Variants in DNAH12 observed in about 807,000 individuals in gnomAD.
The protein encoded by DNAH12 is dynein axonemal heavy chain 12.
In DNAH12, 285 loss-of-function variants were observed where a neutral mutation model predicts 371.5. The observed-to-expected ratio is 0.77, with a 90% CI of 0.70 to 0.85. The LOEUF (loss-of-function observed/expected upper bound fraction) is 0.85. Among genes scored for constraint, DNAH12 ranks in the 40% least tolerant of loss-of-function variants. The pLI is 0.00. For missense variants in DNAH12, 3,611 were observed against 3,689.4 expected (o/e 0.98, Z 0.55); for synonymous variants, 1,200 against 1,213.0 (o/e 0.99, Z 0.22).
intron 4 of DNAH12, 67 bp downstream of exon 4, chr3:57,523,516 G>C: frequency 7.3e-7 from 1 of 1,378,012 alleles, no homozygotes; most frequent in Non-Finnish European, 1.0e-6. Context: ...GGTGGTCTTA[G>C]ATGAAACTAC....
intron 4 of DNAH12, 80 bp downstream of exon 4, chr3:57,523,503 G>T: frequency 1.7e-6 from 2 of 1,161,964 alleles, no homozygotes; most frequent in Non-Finnish European, 2.5e-6. Flanking sequence ...ATGGGACTTA[G>T]CAGGTGGTCT....
At chr3:57,402,560 A>G (rs1553679304) in intron 43 of DNAH12, 3 of 693,780 alleles carry the variant, frequency 4.3e-6, no homozygotes, top group Non-Finnish European at 6.4e-6. Flanking sequence ...GAATAAATAT[A>G]TAGTCAGTGG....
chr3:57,405,268 A>C, intron 41 of DNAH12, 121 bp from the exon 42 acceptor site: 1 of 791,700 alleles, frequency 1.3e-6, no homozygotes, highest in Non-Finnish European at 1.9e-6. Flanking sequence ...TAGGGTAGTA[A>C]AAAATGCACT....
chr3:57,413,457 T>C (rs2064267243), intron 39 of DNAH12, among the ~76,000 whole-genome samples: 1 of 152,120 alleles, frequency 6.6e-6, no homozygotes, highest in Non-Finnish European at 1.5e-5. Flanking sequence ...GATTGTGATA[T>C]ACCAACGCAG....
At chr3:57,386,128 A>C (rs1365927996) in intron 47 of DNAH12, among the ~76,000 whole-genome samples, 1 of 152,208 alleles carries the variant, frequency 6.6e-6, no homozygotes, top group African/African-American at 2.4e-5. Flanking sequence ...AGCTTTTACA[A>C]TAAAAAGCGA....
chr3:57,420,295 G>GCC (rs2064528184), intron 36 of DNAH12, among the ~76,000 whole-genome samples: 1 of 152,074 alleles, frequency 6.6e-6, no homozygotes, highest in Non-Finnish European at 1.5e-5. Flanking sequence ...TGCCAAAGTA[G>GCC]CCCCCTAAGA....
At chr3:57,415,968 T>C (rs1346229055) in intron 37 of DNAH12, among the ~76,000 whole-genome samples, 1 of 152,036 alleles carries the variant, frequency 6.6e-6, no homozygotes, top group Non-Finnish European at 1.5e-5. Flanking sequence ...TTTGTATTTT[T>C]AGTAGAGACG....
chr3:57,498,930 C>T (rs893093866), intron 11 of DNAH12, among the ~76,000 whole-genome samples: 3 of 151,934 alleles, frequency 2.0e-5, no homozygotes, highest in South Asian at 2.1e-4. Flanking sequence ...ACCTGGGAGG[C>T]GGAGGTTGCA....
chr3:57,512,260 G>A (rs566817860), intron 4 of DNAH12, among the ~76,000 whole-genome samples: 1 of 152,276 alleles, frequency 6.6e-6, no homozygotes, highest in East Asian at 1.9e-4. Flanking sequence ...AACAAGTATT[G>A]CATTATTCCA....
intron 10 of DNAH12, 132 bp from the exon 11 acceptor site, chr3:57,501,544 T>C: frequency 3.4e-6 from 2 of 594,068 alleles, no homozygotes; most frequent in Non-Finnish European, 5.6e-6. Context: ...ACATACATGA[T>C]TTACTATATT....
At position 57,296,961 on chromosome 3, in the gene DNAH12, A is replaced by C; in HGVS notation, c.11418T>G (p.Pro3806=). 1 of 1,551,664 alleles carries C rather than the reference A, an allele frequency of 6.4e-7. No homozygotes were observed. Among genetic ancestry groups the C allele is most frequent in the East Asian group, 2.4e-5 (1 of 40,918 alleles). Residue 3806 remains proline, a synonymous_variant, in exon 71 of 74, where the codon CCT becomes CCG. Coordinates refer to ENST00000495027, the MANE Select transcript of DNAH12 (RefSeq NM_001366028.2). The stretch of plus-strand genomic sequence containing the variant: ...AGAAACCTGACAGCCAAAACACACA[A>C]GGTTTTCCTGAATTATACCAGTCCT... ...FLQDWYNSGK[P]CVFWLSGFFF...
Position 57,309,731 on chromosome 3 carries a change from G to C in DNAH12, c.11020C>G (p.Gln3674Glu). Residue 3674 changes from glutamine to glutamate, a missense_variant, in exon 68 of 74, where the codon CAG (glutamine) becomes GAG (glutamate). This residue lies in a region of DNAH12 where 2,266 missense variants were observed against 2,236.9 expected (regional missense o/e 1.01). Transcript: ENST00000495027. The stretch of plus-strand genomic sequence containing the variant: ...TCAGTACTTCCTGAGGCTCCTGTCT[G>C]TTTGGAGCCTCCCTGGGTGAGGAGC... ...SLLLTQGGSK[Q>E]TGASGSTDQI... 1 of 1,551,110 alleles carries C rather than the reference G, an allele frequency of 6.4e-7. No individual in the cohort carries two copies. The highest frequency in any genetic ancestry group is 2.4e-5 in the East Asian group (1 of 40,902).
intron 23 of DNAH12, among the ~76,000 whole-genome samples, chr3:57,454,148 T>G (rs549986535): frequency 1.3e-5 from 2 of 151,616 alleles, no homozygotes. Flanking sequence ...AGAAATGAAT[T>G]TTGTGAGTGA....
intron 20 of DNAH12, among the ~76,000 whole-genome samples, chr3:57,458,825 C>T (rs867306661): frequency 1.3e-5 from 2 of 152,222 alleles, no homozygotes; most frequent in South Asian, 4.1e-4. Context: ...AAAGATCTGT[C>T]CTGCAAAGCC....
intron 28 of DNAH12, 45 bp from the exon 29 acceptor site, chr3:57,444,861 T>C (rs1385920985): frequency 2.6e-6 from 4 of 1,521,774 alleles, no homozygotes; most frequent in Middle Eastern, 1.7e-4. Flanking sequence ...TTGCCAGCAA[T>C]TGCAACCCCA....
intron 35 of DNAH12, among the ~76,000 whole-genome samples, chr3:57,424,132 T>C (rs1038133262): frequency 6.6e-6 from 1 of 152,202 alleles, no homozygotes; most frequent in Non-Finnish European, 1.5e-5. Context: ...CAAATTTGTT[T>C]AATATTAAAT....
intron 66 of DNAH12, among the ~76,000 whole-genome samples, chr3:57,313,931 A>T (rs2061633767): frequency 6.6e-6 from 1 of 152,190 alleles, no homozygotes; most frequent in Non-Finnish European, 1.5e-5. Flanking sequence ...AAGGGTAGAG[A>T]TGCTGCCTTA....
In DNAH12 at chr3:57,400,194, A is replaced by G. The variant is rs1402599579; in HGVS notation, c.6948+3115T>C. 2.0e-5 allele frequency among the ~76,000 whole-genome samples: 3 copies of G among 152,310 alleles called. No individual in the cohort carries two copies. The East Asian group carries it at 5.8e-4, about 29-fold the overall frequency. On this transcript the variant is annotated intron_variant, in intron 43 of 73. Coordinates refer to ENST00000495027, the MANE Select transcript of DNAH12 (RefSeq NM_001366028.2). ...TCCCAGCTACTCAGGAGGCTGAGGC[A>G]TGAGAATCGCTTGATCTCAGGAGGT...
chr3:57,503,407 T>C (rs77150223), intron 9 of DNAH12, among the ~76,000 whole-genome samples: 1 of 151,654 alleles, frequency 6.6e-6, no homozygotes, highest in Non-Finnish European at 1.5e-5. Context: ...TTTTTTTTTT[T>C]GAGACGGAGT....
Sources: gnomAD v4.1 joint callset for allele counts (sites outside exome capture counted in the v4.1 genomes callset) on GRCh38, gnomAD v4.1.1 for gene constraint, gnomAD v4.1.1 regional missense constraint, MANE v1.5 for transcripts, NCBI Gene and HGNC (gene_info 2026-07-23, HGNC 2026-07-21) for gene names.